Variants in IGSF10 observed in about 807,000 individuals in gnomAD.
IGSF10 encodes the protein immunoglobulin superfamily member 10.
Under a neutral mutation model 128.2 loss-of-function variants are expected in IGSF10, and 126 were observed. The ratio of observed to expected loss-of-function variants is 0.98; its 90% confidence interval spans 0.85 to 1.14. The LOEUF is 1.14. Ranked by LOEUF, IGSF10 falls within the 50% of genes most tolerant of loss-of-function variation. The pLI, the probability that IGSF10 is intolerant of heterozygous loss-of-function variation, is 0.00. For synonymous variants in IGSF10, 1,185 were observed against 1,146.2 expected (o/e 1.03, Z -0.68); for missense variants, 3,295 against 3,149.8 (o/e 1.05, Z -1.10).
At chr3:151,552,866 T>C in the IGSF10 span, among the ~76,000 whole-genome samples, 4 of 152,156 alleles carry the variant, frequency 2.6e-5, no homozygotes, top group Admixed American at 2.6e-4. Flanking sequence ...ATAGGCCTTC[T>C]TTTTACTGTT....
chr3:151,524,108 T>A, the IGSF10 span, among the ~76,000 whole-genome samples: 14 of 151,838 alleles, frequency 9.2e-5, no homozygotes, highest in African/African-American at 3.4e-4. Flanking sequence ...GAATGGCTAC[T>A]ACAAAAAAGT....
At chr3:151,603,612 CT>C in the IGSF10 span, among the ~76,000 whole-genome samples, 10 of 152,250 alleles carry the variant, frequency 6.6e-5, no homozygotes, top group African/African-American at 1.9e-4. Flanking sequence ...ATAAACAGAT[CT>C]ATTATAAGAA....
At position 151,446,957 on chromosome 3, in the gene IGSF10, T is replaced by A; in HGVS notation, c.3024A>T (p.Arg1008Ser). 1.2e-6 allele frequency: 2 copies of A among 1,614,178 alleles called. No homozygotes were observed. Among genetic ancestry groups the A allele is most frequent in the Non-Finnish European group, 1.7e-6 (2 of 1,180,030 alleles). Reference protein sequence around the residue: ...RNSTVNIPLFRRFGRQRKIGG... With the variant: ...RNSTVNIPLFSRFGRQRKIGG... The stretch of plus-strand genomic sequence containing the variant: ...CAATTTTCCTCTGCCTCCCAAAGCG[T>A]CTGAACAGCGGGATGTTAACTGTAC... Residue 1008 changes from arginine (R) to serine (S), a missense_variant, in exon 6 of 8, where the codon AGA (arginine) becomes AGT (serine). By Grantham distance (110) the Arg-to-Ser change is moderately radical. Coordinates refer to ENST00000282466, the MANE Select transcript of IGSF10 (RefSeq NM_178822.5).
chr3:151,607,988 AAACTT>A, the IGSF10 span, among the ~76,000 whole-genome samples: 1 of 151,730 alleles, frequency 6.6e-6, no homozygotes, highest in Non-Finnish European at 1.5e-5. Flanking sequence ...ATAAAAAAGA[AAACTT>A]AAAACATAAA....
the IGSF10 span, among the ~76,000 whole-genome samples, chr3:151,580,603 A>G: frequency 6.6e-6 from 1 of 152,326 alleles, no homozygotes; most frequent in South Asian, 2.1e-4. Context: ...ATTATTTAGC[A>G]TATAACTCAC....
chr3:151,594,785 C>A, the IGSF10 span, among the ~76,000 whole-genome samples: 1 of 151,644 alleles, frequency 6.6e-6, no homozygotes, highest in Non-Finnish European at 1.5e-5. Flanking sequence ...TTAAAATATT[C>A]CCAACACAAA....
the IGSF10 span, among the ~76,000 whole-genome samples, chr3:151,569,874 C>A: frequency 1.3e-5 from 2 of 151,796 alleles, no homozygotes; most frequent in African/African-American, 4.8e-5. Flanking sequence ...CTAATGCTAT[C>A]CCTCCCCCAT....
chr3:151,531,393 C>G, the IGSF10 span, among the ~76,000 whole-genome samples: 1 of 152,292 alleles, frequency 6.6e-6, no homozygotes, highest in African/African-American at 2.4e-5. Context: ...TTCTTCTCAG[C>G]ACCACATCAC....
In IGSF10 at chr3:151,443,709, C is replaced by A. The variant is rs150763585; in HGVS notation, c.5238G>T (p.Arg1746Ser). ...TCTCTTTGGTACGTCTCTCCAGGAT[C>A]CTGGGAGGATAGGAAACCACAGACA... ...VTLSVVSYPPRILERRTKEIT... is the reference protein window; with the variant it reads ...VTLSVVSYPPSILERRTKEIT... The change falls in exon 7 of 8, where the codon AGG becomes AGT. Residue 1746 changes from arginine (R) to serine (S), a missense_variant. Arg to Ser is a moderately radical substitution (Grantham distance 110). Coordinates refer to ENST00000282466, the MANE Select transcript of IGSF10 (RefSeq NM_178822.5). 1.9e-6 allele frequency: 3 copies of A among 1,614,046 alleles called. No homozygotes were observed. The African/African-American group carries it at 4.0e-5, about 22-fold the overall frequency.
chr3:151,585,516 C>T, the IGSF10 span, among the ~76,000 whole-genome samples: 1 of 152,068 alleles, frequency 6.6e-6, no homozygotes, highest in Non-Finnish European at 1.5e-5. Context: ...ACTGTGTTTT[C>T]ATGTGGTCAG....
chr3:151,436,893 G>A lies in IGSF10; in HGVS notation c.7668C>T (p.Pro2556=). The A allele has an allele frequency of 6.2e-7, 1 of 1,614,104 alleles. No homozygotes were observed. The highest frequency in any genetic ancestry group is 8.5e-7 in the Non-Finnish European group (1 of 1,180,012). Residue 2556 remains proline (P), a synonymous_variant, in exon 8 of 8, where the codon CCC becomes CCT. Transcript: ENST00000282466. ...GCATCTCCCATGTGATTTCTGGCTT[G>A]GGAACTCCCAAGGCCACACAGTGGA... ...FQLHCVALGV[P]KPEITWEMPD...
At chr3:151,603,526 A>G in the IGSF10 span, among the ~76,000 whole-genome samples, 1 of 152,176 alleles carries the variant, frequency 6.6e-6, no homozygotes, top group Non-Finnish European at 1.5e-5. Context: ...CTTTATCACC[A>G]TTATCTGTAT....
rs2172250 is a variant in IGSF10, at chr3:151,436,878, T to C, written c.7683A>G (p.Thr2561=). The change falls in exon 8 of 8, where the codon ACA becomes ACG. Residue 2561 remains threonine (T), a synonymous_variant. Transcript: ENST00000282466. ...VALGVPKPEI[T]WEMPDHSLLS... is the part of the protein sequence containing the mutation. ...GAAGGGAGTGGTCAGGCATCTCCCA[T>C]GTGATTTCTGGCTTGGGAACTCCCA... is the stretch of plus-strand genomic sequence containing the variant. 1,347,343 of 1,613,988 alleles carry C rather than the reference T, an allele frequency of 0.83. 563,505 individuals are homozygous for C. Among genetic ancestry groups the C allele is most frequent in the Middle Eastern group, 0.94 (5,675 of 6,060 alleles).
At chr3:151,563,191 G>A in the IGSF10 span, among the ~76,000 whole-genome samples, 23,101 of 151,958 alleles carry the variant, frequency 0.15, 1,878 homozygotes, top group African/African-American at 0.18. Flanking sequence ...TTCTCACCCT[G>A]CGGCCCTCTA....
At chr3:151,571,710 A>T in the IGSF10 span, among the ~76,000 whole-genome samples, 1 of 152,112 alleles carries the variant, frequency 6.6e-6, no homozygotes, top group Non-Finnish European at 1.5e-5. Context: ...AATATGCTTT[A>T]TTTCTTTCTC....
At chr3:151,543,411 C>G in the IGSF10 span, among the ~76,000 whole-genome samples, 1 of 152,164 alleles carries the variant, frequency 6.6e-6, no homozygotes, top group Non-Finnish European at 1.5e-5. Flanking sequence ...TACCCCCACA[C>G]CTGCAGCTGC....
At chr3:151,522,190 G>A in the IGSF10 span, among the ~76,000 whole-genome samples, 3 of 151,914 alleles carry the variant, frequency 2.0e-5, no homozygotes, top group African/African-American at 4.8e-5. Flanking sequence ...ATCAAAAATC[G>A]AATCACTAAT....
chr3:151,441,315 A>G (rs1377939230), intron 7 of IGSF10, among the ~76,000 whole-genome samples: 2 of 152,240 alleles, frequency 1.3e-5, no homozygotes, highest in African/African-American at 4.8e-5. Flanking sequence ...CAGAATTCTT[A>G]ATAAAGATTA....
the IGSF10 span, among the ~76,000 whole-genome samples, chr3:151,484,981 G>A: frequency 9.2e-5 from 14 of 152,286 alleles, no homozygotes; most frequent in Non-Finnish European, 1.8e-4. Flanking sequence ...GTAGGTTTCA[G>A]AAGGTGGGTA....
Sources: gnomAD v4.1 joint callset for allele counts (sites outside exome capture counted in the v4.1 genomes callset) on GRCh38, gnomAD v4.1.1 for gene constraint, MANE v1.5 for transcripts, NCBI Gene and HGNC (gene_info 2026-07-23, HGNC 2026-07-21) for gene names.